TET1: variants seen among roughly 807,000 people sequenced by gnomAD.
TET1 encodes tet methylcytosine dioxygenase 1.
In TET1, 13 loss-of-function variants were observed where a neutral mutation model predicts 148.7. That is an observed-to-expected ratio of 0.09 (90% confidence interval 0.06 to 0.14). The LOEUF is 0.14. Ranked by LOEUF, TET1 falls within the 10% of genes least tolerant of loss-of-function variation. The probability of loss-of-function intolerance (pLI) is 1.00; values close to 1 mark genes in which losing one functional copy is unlikely to be tolerated. For missense variants in TET1, 2,182 were observed against 2,553.8 expected (o/e 0.85, Z 3.14); for synonymous variants, 907 against 937.2 (o/e 0.97, Z 0.59).
intron 6 of TET1, among the ~76,000 whole-genome samples, chr10:68,661,123 G>T (rs2055104641): frequency 6.6e-6 from 1 of 150,612 alleles, no homozygotes; most frequent in Admixed American, 6.6e-5. Flanking sequence ...TCCGCCTCCC[G>T]GGTTCACGCC....
rs2054826930 is a variant in TET1 at position 68,645,378 on chromosome 10, T to C, written c.2649T>C (p.Asp883=). The C allele has an allele frequency of 1.9e-6, 3 of 1,613,974 alleles. No homozygotes were observed. The highest frequency in any genetic ancestry group is 1.6e-4 in the Middle Eastern group (1 of 6,084). Residue 883 remains aspartate (D), a synonymous_variant, in exon 4 of 12, where the codon GAT becomes GAC. Coordinates refer to ENST00000373644, the MANE Select transcript of TET1 (RefSeq NM_030625.3). ...VQPSLLSLMK[D]RRLTLEQVVA... ...CAAGTCTCTTATCGTTAATGAAAGA[T>C]AGGAGATTAACATTGGAGCAAGTGG...
intron 2 of TET1, among the ~76,000 whole-genome samples, chr10:68,577,499 A>G (rs12261099): frequency 0.36 from 44,643 of 123,354 alleles, 7,735 homozygotes; most frequent in Middle Eastern, 0.47. Context: ...AAAACAAAAA[A>G]CAAACAAACA....
At chr10:68,651,996 T>C (rs2054942360) in intron 5 of TET1, 60 bp downstream of exon 5, 3 of 1,441,154 alleles carry the variant, frequency 2.1e-6, no homozygotes, top group Non-Finnish European at 1.9e-6. Context: ...TCAACGGAGA[T>C]AAATCATCTC....
intron 3 of TET1, among the ~76,000 whole-genome samples, chr10:68,617,762 T>C (rs1428309385): frequency 6.6e-6 from 1 of 151,536 alleles, no homozygotes; most frequent in Non-Finnish European, 1.5e-5. Context: ...GTCAGACTGG[T>C]CTGGAACTCC....
At chr10:68,626,929 A>G (rs1422340818) in intron 3 of TET1, among the ~76,000 whole-genome samples, 1 of 152,184 alleles carries the variant, frequency 6.6e-6, no homozygotes, top group Non-Finnish European at 1.5e-5. Context: ...GTTGTGAAAT[A>G]TTCATGCAAG....
intron 1 of TET1, among the ~76,000 whole-genome samples, chr10:68,570,368 G>A (rs894434512): frequency 3.3e-5 from 5 of 152,032 alleles, no homozygotes; most frequent in Non-Finnish European, 5.9e-5. Flanking sequence ...GCCTCCCAAA[G>A]TGCTGGGATT....
At chr10:68,689,960 A>G (rs1409340791) in intron 11 of TET1, among the ~76,000 whole-genome samples, 2 of 152,192 alleles carry the variant, frequency 1.3e-5, no homozygotes, top group African/African-American at 4.8e-5. Flanking sequence ...AGGGTCACAA[A>G]GATTTATATT....
chr10:68,566,821 C>CTT (rs2053612615), intron 1 of TET1, among the ~76,000 whole-genome samples: 2 of 92,234 alleles, frequency 2.2e-5, no homozygotes, highest in Non-Finnish European at 6.0e-5. Context: ...TTCTCTCTCT[C>CTT]TCTTTTTTTT....
At chr10:68,674,682 G>T in intron 8 of TET1, 1 of 464,338 alleles carries the variant, frequency 2.2e-6, no homozygotes, top group Non-Finnish European at 4.2e-6. Context: ...ATGGTTGAAG[G>T]TCATGTCAAT....
At chr10:68,565,475 A>AAAATATATATAT (rs1388182777) in intron 1 of TET1, among the ~76,000 whole-genome samples, 39 of 129,214 alleles carry the variant, frequency 3.0e-4, no homozygotes, top group African/African-American at 1.0e-3. Context: ...AAAAAAAAAA[A>AAAATATATATAT]ATATATATAT....
intron 2 of TET1, among the ~76,000 whole-genome samples, chr10:68,576,602 C>T (rs2053734324): frequency 6.6e-6 from 1 of 152,094 alleles, no homozygotes; most frequent in East Asian, 1.9e-4. Flanking sequence ...GTCAAGGCTG[C>T]AGTGAACAGT....
At chr10:68,673,398 C>T in intron 8 of TET1, 1 of 378,432 alleles carries the variant, frequency 2.6e-6, no homozygotes. Context: ...TTACTACCCA[C>T]AGACCTACTA....
intron 8 of TET1, chr10:68,673,493 C>A: frequency 2.9e-6 from 1 of 345,096 alleles, no homozygotes; most frequent in Non-Finnish European, 5.8e-6. Context: ...CCATGGTGAG[C>A]AAAGAAATTA....
chr10:68,665,848 G>T lies in TET1; in HGVS notation c.4462-1197G>T, dbSNP rs1470958627. 2.0e-5 allele frequency among the ~76,000 whole-genome samples: 3 copies of T among 152,118 alleles called. No individual in the cohort carries two copies. In the East Asian group the frequency reaches 5.8e-4, roughly 29 times the overall value. On this transcript the variant is annotated intron_variant, in intron 6 of 11. Coordinates refer to ENST00000373644, the MANE Select transcript of TET1 (RefSeq NM_030625.3). Reference sequence around the variant, plus strand: ...GCCAACTCTACTCAAGGGATGCCTTGGTAGCAATGATTGTTAACCATCTGG... The same window carrying T: ...GCCAACTCTACTCAAGGGATGCCTTTGTAGCAATGATTGTTAACCATCTGG...
chr10:68,690,624 T>C (rs934723625), intron 11 of TET1, among the ~76,000 whole-genome samples, 184 bp from the exon 12 acceptor site: 1 of 152,214 alleles, frequency 6.6e-6, no homozygotes, highest in Non-Finnish European at 1.5e-5. Context: ...TGAAAAATTA[T>C]ACAAAACTAC....
Position 68,694,208 on chromosome 10 carries a change from A to C in TET1, c.*2394A>C, listed in dbSNP as rs543801280. On this transcript the variant is annotated 3_prime_UTR_variant, in exon 12 of 12. Transcript: ENST00000373644. ...CAAGTATTTGAAAATATATAGTATC[A>C]ACTGAAATGTTTCCATTCCGTTGTT... is the stretch of plus-strand genomic sequence containing the variant. 1 of 232,614 alleles carries C rather than the reference A, an allele frequency of 4.3e-6. No homozygotes were observed. The highest frequency in any genetic ancestry group is 8.5e-6 in the Non-Finnish European group (1 of 117,788). 14.4% of individuals were successfully genotyped at this position (232,614 alleles called of 1,614,324 possible).
chr10:68,679,820 C>T (rs1033344113), intron 8 of TET1, among the ~76,000 whole-genome samples: 3 of 152,132 alleles, frequency 2.0e-5, no homozygotes, highest in African/African-American at 7.2e-5. Context: ...ACTACAGGCG[C>T]ATGCCACCAC....
At position 68,652,547 on chromosome 10, in the gene TET1, A is replaced by G. The variant is rs201619715; in HGVS notation, c.4414A>G (p.Thr1472Ala). 1.9e-6 allele frequency: 3 copies of G among 1,613,324 alleles called. No homozygotes were observed. Among genetic ancestry groups the G allele is most frequent in the South Asian group, 2.2e-5 (2 of 90,924 alleles). The change falls in exon 6 of 12, where the codon ACC (threonine) becomes GCC (alanine). Residue 1472 changes from threonine to alanine, a missense_variant. Coordinates refer to ENST00000373644, the MANE Select transcript of TET1 (RefSeq NM_030625.3). Reference protein sequence around the residue: ...NAIRIEIVVYTGKEGKSSHGC... With the variant: ...NAIRIEIVVYAGKEGKSSHGC... ...AATAAGGATAGAAATAGTAGTGTAC[A>G]CCGGTAAAGAAGGGAAAAGCTCTCA...
At position 68,573,435 on chromosome 10, in the gene TET1, G is replaced by C. The variant is rs1275914514; in HGVS notation, c.1097G>C (p.Gly366Ala). 6.2e-7 allele frequency: 1 copy of C among 1,614,114 alleles called. No individual in the cohort carries two copies. The highest frequency in any genetic ancestry group is 8.5e-7 in the Non-Finnish European group (1 of 1,180,030). The change falls in exon 2 of 12, where the codon GGA becomes GCA. Residue 366 changes from glycine (G) to alanine (A), a missense_variant. By Grantham distance (60) the Gly-to-Ala change is moderately conservative. Transcript: ENST00000373644. Reference sequence around the variant, plus strand: ...GTTTCTGATACCACCTCTTTCCTAGGACAGGCCTTTGGTGCTATCCCACAT... The same window carrying C: ...GTTTCTGATACCACCTCTTTCCTAGCACAGGCCTTTGGTGCTATCCCACAT... ...QEVSDTTSFL[G>A]QAFGAIPHQW... is the part of the protein sequence containing the mutation.
Sources: allele counts gnomAD v4.1 joint callset (sites outside exome capture counted in the v4.1 genomes callset), GRCh38; gene constraint gnomAD v4.1.1; transcripts MANE v1.5; gene names NCBI Gene and HGNC (gene_info 2026-07-23, HGNC 2026-07-21).